Variants in CCNY observed in about 807,000 individuals in gnomAD.
The protein encoded by CCNY is cyclin Y.
CCNY carries 19 observed loss-of-function variants against 42.8 expected under a neutral mutation model. The observed-to-expected ratio is 0.44, with a 90% CI of 0.31 to 0.65. CCNY has a LOEUF of 0.65. CCNY is among the 30% of genes least tolerant of loss of function. CCNY has a pLI of 0.07. For missense variants in CCNY, 370 were observed against 437.3 expected (o/e 0.85, Z 1.37); for synonymous variants, 165 against 162.7 (o/e 1.01, Z -0.11).
chr10:35,456,130 G>A (rs761183083), intron 1 of CCNY, among the ~76,000 whole-genome samples: 7 of 152,016 alleles, frequency 4.6e-5, no homozygotes, highest in South Asian at 2.1e-4. Flanking sequence ...TGTATGTACT[G>A]GTGTGTGTGT....
chr10:35,378,238 C>A (rs1034131481), intron 1 of CCNY, among the ~76,000 whole-genome samples: 1 of 152,144 alleles, frequency 6.6e-6, no homozygotes, highest in African/African-American at 2.4e-5. Flanking sequence ...TTTCATTATT[C>A]TGTCTAAAAT....
At chr10:35,426,045 C>A in intron 1 of CCNY, among the ~76,000 whole-genome samples, 1 of 150,594 alleles carries the variant, frequency 6.6e-6, no homozygotes, top group East Asian at 2.0e-4. Context: ...ACTCAGTCTT[C>A]TGCCATCTGG....
chr10:35,338,397 G>A (rs937101036), intron 1 of CCNY, among the ~76,000 whole-genome samples: 6 of 152,212 alleles, frequency 3.9e-5, no homozygotes, highest in African/African-American at 1.4e-4. Flanking sequence ...CTGGTTTCTA[G>A]TACGCGCTTA....
chr10:35,458,118 G>A (rs1371040550), intron 1 of CCNY, among the ~76,000 whole-genome samples: 1 of 152,222 alleles, frequency 6.6e-6, no homozygotes, highest in Admixed American at 6.5e-5. Flanking sequence ...GTGGTGTTTT[G>A]TGTTTTCCTA....
At chr10:35,360,742 C>A (rs553770322) in intron 1 of CCNY, among the ~76,000 whole-genome samples, 1 of 152,010 alleles carries the variant, frequency 6.6e-6, no homozygotes, top group Non-Finnish European at 1.5e-5. Context: ...AACATTAATA[C>A]TCATCTGTAT....
intron 1 of CCNY, among the ~76,000 whole-genome samples, chr10:35,381,792 G>A (rs1035247209): frequency 6.6e-6 from 1 of 152,176 alleles, no homozygotes; most frequent in African/African-American, 2.4e-5. Context: ...TGAAATAAAT[G>A]ATAGTGTTAC....
intron 3 of CCNY, among the ~76,000 whole-genome samples, chr10:35,282,062 A>G (rs1835303772): frequency 6.7e-6 from 1 of 148,872 alleles, no homozygotes; most frequent in Non-Finnish European, 1.5e-5. Context: ...CTATTCTCTT[A>G]CTTCATTACC....
chr10:35,481,421 G>A (rs1487991212), intron 1 of CCNY, among the ~76,000 whole-genome samples: 1 of 152,180 alleles, frequency 6.6e-6, no homozygotes, highest in African/African-American at 2.4e-5. Flanking sequence ...ACAGTCTTGT[G>A]TTATTTTGGT....
chr10:35,311,365 A>G (rs761429002), intron 3 of CCNY, among the ~76,000 whole-genome samples: 1 of 151,732 alleles, frequency 6.6e-6, no homozygotes, highest in Non-Finnish European at 1.5e-5. Flanking sequence ...TTATATTTCA[A>G]ATGTTCTTGA....
intron 1 of CCNY, among the ~76,000 whole-genome samples, chr10:35,422,490 G>A (rs568948444): frequency 6.6e-6 from 1 of 152,196 alleles, no homozygotes; most frequent in Non-Finnish European, 1.5e-5. Context: ...CATTTGAGAA[G>A]ATTAAATGTG....
At chr10:35,465,938 A>AGAGAGAGAGAGAGT in intron 1 of CCNY, among the ~76,000 whole-genome samples, 16 of 80,960 alleles carry the variant, frequency 2.0e-4, no homozygotes, top group African/African-American at 3.9e-4. Context: ...AGAGAGAGAG[A>AGAGAGAGAGAGAGT]GTGTGTGTGT....
intron 3 of CCNY, among the ~76,000 whole-genome samples, chr10:35,292,936 C>G (rs772393928): frequency 1.3e-5 from 2 of 151,532 alleles, no homozygotes; most frequent in Admixed American, 1.3e-4. Flanking sequence ...CCTGTTACCA[C>G]GCCTAGCTAA....
chr10:35,423,344 G>A (rs975240158), intron 1 of CCNY, among the ~76,000 whole-genome samples: 4 of 151,934 alleles, frequency 2.6e-5, no homozygotes, highest in South Asian at 2.1e-4. Flanking sequence ...GCATGGTGAC[G>A]CGCACCTGTA....
chr10:35,548,296 A>ATG (rs950956046), intron 7 of CCNY, among the ~76,000 whole-genome samples: 126 of 146,666 alleles, frequency 8.6e-4, no homozygotes, highest in Middle Eastern at 3.6e-3. Flanking sequence ...ATTTATGTAT[A>ATG]TATATATATA....
rs1202360953 is a variant in CCNY at position 35,315,075 on chromosome 10, CCGT to C, written c.-9+64451_-9+64453del. On this transcript the variant is annotated intron_variant, in intron 3 of 11. Transcript: ENST00000374706. ...CAGCCTGGGCAACAAGAGCAAAACTCCGTCTCAAAAAAATATATATATATTAAA... is the reference window on the plus strand; with the variant it reads ...CAGCCTGGGCAACAAGAGCAAAACTCCTCAAAAAAATATATATATATTAAA... The C allele has an allele frequency of 2.6e-5, 4 of 151,976 alleles. No individual in the cohort carries two copies. The East Asian group carries it at 7.7e-4, about 29-fold the overall frequency. The allele number at this position is 151,976 out of a possible 1,614,324, so 9.4% of individuals were successfully genotyped here.
At chr10:35,308,575 G>T (rs1317510882) in intron 3 of CCNY, among the ~76,000 whole-genome samples, 1 of 152,058 alleles carries the variant, frequency 6.6e-6, no homozygotes, top group Non-Finnish European at 1.5e-5. Context: ...TGTGTGAGGT[G>T]TGACAGTCTG....
chr10:35,279,206 C>T (rs1251731282), intron 3 of CCNY, among the ~76,000 whole-genome samples: 1 of 150,414 alleles, frequency 6.6e-6, no homozygotes, highest in Non-Finnish European at 1.5e-5. Context: ...ACCTCCGTCT[C>T]CCCAGTTCAA....
chr10:35,445,850 C>T (rs2135304107), intron 1 of CCNY, among the ~76,000 whole-genome samples: 1 of 152,324 alleles, frequency 6.6e-6, no homozygotes, highest in East Asian at 1.9e-4. Flanking sequence ...CCAGTGTTAA[C>T]ACTGTGCCAC....
chr10:35,494,545 G>C (rs942893956), intron 2 of CCNY, among the ~76,000 whole-genome samples: 4 of 152,126 alleles, frequency 2.6e-5, no homozygotes, highest in Admixed American at 2.0e-4. Context: ...GAATGGGGAA[G>C]GGGCATGTAA....
Sources: gnomAD v4.1 joint callset for allele counts (sites outside exome capture counted in the v4.1 genomes callset) on GRCh38, gnomAD v4.1.1 for gene constraint, MANE v1.5 for transcripts, NCBI Gene and HGNC (gene_info 2026-07-23, HGNC 2026-07-21) for gene names.